The following SLC4A4 variants were observed in gnomAD, a reference collection of about 807,000 sequenced individuals.
SLC4A4 encodes electrogenic sodium bicarbonate cotransporter 1.
SLC4A4 carries 27 observed loss-of-function variants against 111.5 expected under a neutral mutation model. The observed-to-expected ratio is 0.24, with a 90% CI of 0.18 to 0.33. SLC4A4 has a LOEUF of 0.33. Among genes scored for constraint, SLC4A4 ranks in the 10% least tolerant of loss-of-function variants. The pLI is 1.00. For synonymous variants in SLC4A4, 443 were observed against 463.4 expected, an observed-to-expected ratio of 0.96 and a Z score of 0.57; for missense variants, 909 against 1,315.5, an observed-to-expected ratio of 0.69 and a Z score of 4.78.
intron 2 of SLC4A4, among the ~76,000 whole-genome samples, chr4:71,155,013 T>C (rs1184160583): frequency 6.6e-6 from 1 of 152,142 alleles, no homozygotes; most frequent in African/African-American, 2.4e-5. Context: ...GCAACCCACC[T>C]AGTGGGTCAC....
chr4:71,486,677 T>TC (rs2149131342), intron 14 of SLC4A4, among the ~76,000 whole-genome samples: 1 of 151,098 alleles, frequency 6.6e-6, no homozygotes, highest in East Asian at 2.0e-4. Flanking sequence ...TTTCTTTTTT[T>TC]TTTGAAACCT....
intron 15 of SLC4A4, among the ~76,000 whole-genome samples, chr4:71,490,037 C>T (rs1729759873): frequency 6.6e-6 from 1 of 151,796 alleles, no homozygotes. Context: ...TTAAAATTTC[C>T]ATTTATTGTT....
At chr4:71,541,380 G>C (rs893969489) in intron 18 of SLC4A4, among the ~76,000 whole-genome samples, 2 of 152,140 alleles carry the variant, frequency 1.3e-5, no homozygotes, top group Non-Finnish European at 2.9e-5. Flanking sequence ...TGGTGTGAAG[G>C]AAGAAGGGGA....
intron 12 of SLC4A4, among the ~76,000 whole-genome samples, chr4:71,462,732 C>T (rs1416058362): frequency 1.3e-5 from 2 of 152,082 alleles, no homozygotes; most frequent in Non-Finnish European, 2.9e-5. Flanking sequence ...TAAATAAGTA[C>T]AGTACACATA....
intron 1 of SLC4A4, among the ~76,000 whole-genome samples, chr4:71,199,736 A>G (rs1746164456): frequency 6.6e-6 from 1 of 152,022 alleles, no homozygotes; most frequent in Non-Finnish European, 1.5e-5. Flanking sequence ...TGCAACCTCC[A>G]ACCTCCTAGG....
At position 71,350,019 on chromosome 4, in the gene SLC4A4, A is replaced by G. The variant is rs41265671; in HGVS notation, c.497A>G (p.Glu166Gly). ...HSLFELRTCM[E>G]KGSIMLDREA... is the part of the protein sequence containing the mutation. ...TTATTTGAGCTGAGGACATGTATGG[A>G]GAAAGGATCCATCATGCTTGATCGG... The change falls in exon 5 of 26, where the codon GAG becomes GGG. Residue 166 changes from glutamate (E) to glycine (G), a missense_variant. Glu to Gly is a moderately conservative substitution (Grantham distance 98). Coordinates refer to ENST00000264485, the MANE Select transcript of SLC4A4 (RefSeq NM_001098484.3). The G allele has an allele frequency of 6.2e-7, 1 of 1,614,124 alleles. No individual in the cohort carries two copies. Among genetic ancestry groups the G allele is most frequent in the Non-Finnish European group, 8.5e-7 (1 of 1,180,002 alleles).
intron 6 of SLC4A4, among the ~76,000 whole-genome samples, chr4:71,376,507 A>G (rs533974009): frequency 8.6e-5 from 13 of 151,006 alleles, no homozygotes; most frequent in East Asian, 3.9e-4. Flanking sequence ...CTGGCCTCCT[A>G]AAATATATTT....
At chr4:71,142,573 A>G (rs1274550441) in intron 2 of SLC4A4, among the ~76,000 whole-genome samples, 1 of 152,112 alleles carries the variant, frequency 6.6e-6, no homozygotes, top group Non-Finnish European at 1.5e-5. Flanking sequence ...GAGTGATGTT[A>G]TCAATGTCAG....
chr4:71,290,790 T>A (rs550877167), intron 3 of SLC4A4, among the ~76,000 whole-genome samples: 1 of 152,334 alleles, frequency 6.6e-6, no homozygotes, highest in Non-Finnish European at 1.5e-5. Context: ...CTATTGGGCC[T>A]ATTTAGATTC....
chr4:71,418,788 G>A (rs1334795113), intron 7 of SLC4A4, among the ~76,000 whole-genome samples: 4 of 152,086 alleles, frequency 2.6e-5, no homozygotes, highest in Non-Finnish European at 4.4e-5. Context: ...AAATTTAAAG[G>A]TACTTTTTCC....
intron 16 of SLC4A4, among the ~76,000 whole-genome samples, chr4:71,504,815 A>T (rs1266495584): frequency 1.3e-5 from 2 of 152,148 alleles, no homozygotes; most frequent in South Asian, 2.1e-4. Flanking sequence ...TGCACAGATC[A>T]TTCCATCACC....
chr4:71,449,742 G>A (rs975979428), intron 9 of SLC4A4, among the ~76,000 whole-genome samples: 1 of 152,210 alleles, frequency 6.6e-6, no homozygotes, highest in Non-Finnish European at 1.5e-5. Context: ...TTGACAGAAA[G>A]ATTGTGTACA....
At chr4:71,546,292 T>C (rs1457381427) in intron 18 of SLC4A4, 58 bp from the exon 19 acceptor site, 14 of 1,434,990 alleles carry the variant, frequency 9.8e-6, no homozygotes, top group Admixed American at 5.0e-5. Flanking sequence ...TCTGGAAATA[T>C]GACTAGATAG....
chr4:71,490,945 G>A lies in SLC4A4; in HGVS notation c.1974+3927G>A, dbSNP rs570329354. On this transcript the variant is annotated intron_variant, in intron 15 of 25. Transcript: ENST00000264485. ...AGACTGAGCAATAGAGTGAGACTAT[G>A]TATTAATATCTTAAAAATAAGTAAA... Among the ~76,000 whole-genome samples, 13 of 151,936 alleles carry A rather than the reference G, an allele frequency of 8.6e-5. No individual in the cohort carries two copies. The East Asian group carries it at 2.5e-3, about 30-fold the overall frequency.
At chr4:71,302,643 A>G (rs886413954) in intron 3 of SLC4A4, among the ~76,000 whole-genome samples, 1 of 152,118 alleles carries the variant, frequency 6.6e-6, no homozygotes, top group African/African-American at 2.4e-5. Context: ...TCTGGAAGAG[A>G]GGCACTAGGT....
chr4:71,405,949 A>G (rs201993788), intron 7 of SLC4A4, among the ~76,000 whole-genome samples: 6 of 107,326 alleles, frequency 5.6e-5, no homozygotes, highest in East Asian at 2.8e-4. Context: ...CAGTGGCCAT[A>G]TACTTGCTTT....
At chr4:71,338,345 A>G (rs1480437382) in intron 3 of SLC4A4, among the ~76,000 whole-genome samples, 1 of 152,128 alleles carries the variant, frequency 6.6e-6, no homozygotes, top group Non-Finnish European at 1.5e-5. Flanking sequence ...AAATTTATAT[A>G]TGCATGTGTG....
chr4:71,088,578 G>T (rs544855716), intron 1 of SLC4A4, among the ~76,000 whole-genome samples: 11 of 152,076 alleles, frequency 7.2e-5, no homozygotes, highest in Admixed American at 7.2e-4. Flanking sequence ...CTTCCTTCAG[G>T]AGCTCTTTTT....
At chr4:71,240,465 G>T (rs1263738544) in intron 2 of SLC4A4, among the ~76,000 whole-genome samples, 2 of 152,084 alleles carry the variant, frequency 1.3e-5, no homozygotes, top group African/African-American at 4.8e-5. Context: ...TTTGAGGCTT[G>T]GTCAGTACTC....
Sources: allele counts gnomAD v4.1 joint callset (sites outside exome capture counted in the v4.1 genomes callset), GRCh38; gene constraint gnomAD v4.1.1; transcripts MANE v1.5; gene names NCBI Gene and HGNC (gene_info 2026-07-23, HGNC 2026-07-21).